ACCSL: variants seen among roughly 807,000 people sequenced by gnomAD.
ACCSL encodes probable inactive 1-aminocyclopropane-1-carboxylate synthase-like protein 2.
A neutral mutation model predicts 61.7 loss-of-function variants in ACCSL; 55 were observed. The ratio of observed to expected loss-of-function variants is 0.89; its 90% CI spans 0.72 to 1.12. The LOEUF (loss-of-function observed/expected upper bound fraction) is 1.12. ACCSL is among the 50% of genes most tolerant of loss of function. The pLI, the probability that ACCSL is intolerant of heterozygous loss-of-function variation, is 0.00. For missense variants in ACCSL, 632 were observed against 698.0 expected (o/e 0.91, Z 1.07); for synonymous variants, 258 against 264.3 (o/e 0.98, Z 0.23).
the ACCSL span, among the ~76,000 whole-genome samples, chr11:43,935,566 TTAATG>T: frequency 6.6e-6 from 1 of 152,228 alleles, no homozygotes; most frequent in Non-Finnish European, 1.5e-5. Flanking sequence ...GAGGACAACT[TTAATG>T]AGGTGGGATG....
At chr11:44,035,936 TAA>T in the ACCSL span, among the ~76,000 whole-genome samples, 19 of 79,048 alleles carry the variant, frequency 2.4e-4, no homozygotes, top group South Asian at 4.4e-4. Context: ...AGACTCTGTG[TAA>T]AAAAAAAAAA....
chr11:44,030,086 G>GTTTTTTTTTTTTTTTT, the ACCSL span, among the ~76,000 whole-genome samples: 2 of 8,684 alleles, frequency 2.3e-4, no homozygotes, highest in African/African-American at 4.4e-4. Context: ...TTTTTTTTTA[G>GTTTTTTTTTTTTTTTT]TATAAAGGGG....
the ACCSL span, among the ~76,000 whole-genome samples, chr11:43,922,907 T>C: frequency 6.6e-6 from 1 of 152,230 alleles, no homozygotes; most frequent in African/African-American, 2.4e-5. Flanking sequence ...GCTTCAAACA[T>C]GGGTTGGAAC....
chr11:43,991,721 G>A, the ACCSL span, among the ~76,000 whole-genome samples: 1 of 152,168 alleles, frequency 6.6e-6, no homozygotes, highest in Non-Finnish European at 1.5e-5. Flanking sequence ...TTGAACCCAG[G>A]AGGCAAAGGC....
At chr11:43,995,913 G>A in the ACCSL span, among the ~76,000 whole-genome samples, 4 of 152,182 alleles carry the variant, frequency 2.6e-5, no homozygotes, top group Admixed American at 1.3e-4. Flanking sequence ...ATGCCACCTC[G>A]ATTTGAAAAA....
the ACCSL span, chr11:43,943,312 C>T: frequency 6.9e-7 from 1 of 1,442,318 alleles, no homozygotes; most frequent in East Asian, 3.0e-5. The surrounding 1 kb of genome is among the most constrained non-coding windows in gnomAD (Gnocchi z 4.8). Context: ...CGTCCGCGGT[C>T]CGCGCGGGGA....
chr11:44,055,137 G>T, intron 8 of ACCSL, 65 bp from the exon 9 acceptor site: 1 of 1,159,634 alleles, frequency 8.6e-7, no homozygotes, highest in Admixed American at 1.9e-5. Context: ...CTTGTAAAAA[G>T]CATGCAAAGA....
Position 44,055,266 on chromosome 11 carries a change from T to C in ACCSL, c.1114T>C (p.Phe372Leu), listed in dbSNP as rs377118420. The change falls in exon 9 of 14, where the codon TTC becomes CTC. Residue 372 changes from phenylalanine (F) to leucine (L), a missense_variant. Physicochemically the swap from Phe to Leu is conservative, Grantham distance 22. Coordinates refer to ENST00000378832, the MANE Select transcript of ACCSL (RefSeq NM_001031854.2). ...MLSVFDESITFHSILSMKSLP... is the reference protein window; with the variant it reads ...MLSVFDESITLHSILSMKSLP... Reference sequence around the variant, plus strand: ...GTCTGTGTTTGATGAATCCATCACATTCCACAGCATTCTGAGCATGAAAAG... The same window carrying C: ...GTCTGTGTTTGATGAATCCATCACACTCCACAGCATTCTGAGCATGAAAAG... 8.1e-6 allele frequency: 13 copies of C among 1,612,826 alleles called. No homozygotes were observed. The highest frequency in any genetic ancestry group is 1.7e-5 in the Admixed American group (1 of 60,002).
At chr11:43,959,036 A>C in the ACCSL span, among the ~76,000 whole-genome samples, 1 of 152,182 alleles carries the variant, frequency 6.6e-6, no homozygotes, top group East Asian at 1.9e-4. Flanking sequence ...TTTATAAGGC[A>C]CTAATCCATC....
chr11:43,937,492 G>A, the ACCSL span, among the ~76,000 whole-genome samples: 3 of 152,196 alleles, frequency 2.0e-5, no homozygotes, highest in Admixed American at 2.0e-4. Context: ...CACGTCTCTA[G>A]ACTCCCTTCG....
chr11:44,049,376 C>T (rs544381214), intron 1 of ACCSL, among the ~76,000 whole-genome samples: 45 of 143,536 alleles, frequency 3.1e-4, no homozygotes, highest in East Asian at 1.3e-3. Flanking sequence ...GCTGAGATCG[C>T]GCCACTGCAC....
At chr11:44,003,723 C>T in the ACCSL span, among the ~76,000 whole-genome samples, 5 of 152,130 alleles carry the variant, frequency 3.3e-5, no homozygotes, top group Admixed American at 6.5e-5. Context: ...CCTATACAAC[C>T]GAAATTCTAT....
chr11:44,014,270 C>G, the ACCSL span, among the ~76,000 whole-genome samples: 476 of 152,230 alleles, frequency 3.1e-3, 2 homozygotes, highest in African/African-American at 0.011. Flanking sequence ...CACAGGAGGC[C>G]CCTTGAGGTC....
chr11:44,006,969 C>T, the ACCSL span, among the ~76,000 whole-genome samples: 533 of 152,264 alleles, frequency 3.5e-3, 3 homozygotes, highest in African/African-American at 0.012. Context: ...TGACCCTAGA[C>T]GAGCGTCAAG....
Position 44,058,340 on chromosome 11 carries a change from CCCA to C in ACCSL, c.1355_1357del (p.Thr452del). The C allele has an allele frequency of 6.2e-7, 1 of 1,614,200 alleles. No homozygotes were observed. The highest frequency in any genetic ancestry group is 8.5e-7 in the Non-Finnish European group (1 of 1,180,032). ...AGAATGGATTGACAAAGTATACCTA[CCCA>C]CCAATTGCTACCGGCTCCGGGAAGC... On this transcript the variant is annotated inframe_deletion, in exon 12 of 14. Transcript: ENST00000378832.
chr11:44,001,784 T>C, the ACCSL span, among the ~76,000 whole-genome samples: 1 of 57,498 alleles, frequency 1.7e-5, no homozygotes, highest in Non-Finnish European at 3.8e-5. Context: ...GCTGTGTGTG[T>C]GTGTGTGTGT....
In ACCSL at chr11:44,052,690, T is replaced by C; in HGVS notation, c.801T>C (p.Tyr267=). The change falls in exon 6 of 14, where the codon TAT becomes TAC. Residue 267 remains tyrosine (Y), a synonymous_variant. Transcript: ENST00000378832. ...GEAFLVPAPF[Y]GGFAFSSRLY... ...CCTTCCTGGTCCCTGCTCCCTTCTA[T>C]GGTGGCTTTGCCTTTAGCTCCCGCC... 6.2e-7 allele frequency: 1 copy of C among 1,614,164 alleles called. No individual in the cohort carries two copies. Among genetic ancestry groups the C allele is most frequent in the South Asian group, 1.1e-5 (1 of 91,084 alleles).
At chr11:44,044,109 A>G (rs1382528888), upstream of ACCSL, among the ~76,000 whole-genome samples, 2 of 152,190 alleles carry the variant, frequency 1.3e-5, no homozygotes, top group Non-Finnish European at 2.9e-5. Flanking sequence ...GCTTACTTCT[A>G]CCTGGAATTT....
At chr11:43,954,837 A>C in the ACCSL span, among the ~76,000 whole-genome samples, 3 of 152,094 alleles carry the variant, frequency 2.0e-5, no homozygotes, top group African/African-American at 7.2e-5. Context: ...CACCTGCCTC[A>C]GCCTCCCAAA....
Sources: gnomAD v4.1 joint callset for allele counts (sites outside exome capture counted in the v4.1 genomes callset) on GRCh38, gnomAD v4.1.1 for gene constraint, Gnocchi (gnomAD v3.1) non-coding constraint, MANE v1.5 for transcripts, NCBI Gene and HGNC (gene_info 2026-07-23, HGNC 2026-07-21) for gene names.